ATP9A: variants seen among roughly 807,000 people sequenced by gnomAD.
ATP9A encodes the protein probable phospholipid-transporting ATPase IIA.
A neutral mutation model predicts 144.1 loss-of-function variants in ATP9A; 52 were observed. The observed-to-expected ratio is 0.36, with a 90% CI of 0.29 to 0.45. The LOEUF is 0.45. Ranked by LOEUF, ATP9A falls within the 20% of genes least tolerant of loss-of-function variation. The pLI is 1.00. For missense variants in ATP9A, 947 were observed against 1,392.7 expected (o/e 0.68, Z 5.09); for synonymous variants, 582 against 557.4 (o/e 1.04, Z -0.62).
At chr20:51,763,288 T>G (rs1397416292) in intron 1 of ATP9A, among the ~76,000 whole-genome samples, 2 of 150,536 alleles carry the variant, frequency 1.3e-5, no homozygotes, top group Non-Finnish European at 3.0e-5. Context: ...ATACACCTGG[T>G]TTTTTTTTAA....
chr20:51,688,418 C>A (rs1323943407), intron 9 of ATP9A, among the ~76,000 whole-genome samples: 1 of 152,016 alleles, frequency 6.6e-6, no homozygotes, highest in Non-Finnish European at 1.5e-5. Context: ...CATGGTGAAA[C>A]CCCATCTCTA....
chr20:51,721,714 T>C (rs1463096950), intron 3 of ATP9A, among the ~76,000 whole-genome samples: 1 of 145,432 alleles, frequency 6.9e-6, no homozygotes, highest in Non-Finnish European at 1.5e-5. Flanking sequence ...GGCAGGAGAA[T>C]GGCATGAACC....
In ATP9A at chr20:51,671,198, G is replaced by A. The variant is rs749046813; in HGVS notation, c.1097C>T (p.Ser366Leu). ...IVYSWVIRRD[S>L]KIPGTVVRSS... ...GCGAACCACGGTCCCGGGGATTTTC[G>A]AGTCCCTTCGAATCACCCAGCTGTA... Residue 366 changes from serine (S) to leucine (L), a missense_variant, in exon 12 of 28, where the codon TCG becomes TTG. Physicochemically the swap from Ser to Leu is moderately radical, Grantham distance 145. Around this residue, in one of 2 missense-constraint regions of ATP9A, gnomAD observed 770 missense variants for 1,047.9 expected, o/e 0.73. Coordinates refer to ENST00000338821, the MANE Select transcript of ATP9A (RefSeq NM_006045.3). 3.0e-5 allele frequency: 48 copies of A among 1,613,922 alleles called. No individual in the cohort carries two copies. Among genetic ancestry groups the A allele is most frequent in the Non-Finnish European group, 4.1e-5 (48 of 1,180,008 alleles).
At chr20:51,767,200 G>A (rs1456086350) in intron 1 of ATP9A, among the ~76,000 whole-genome samples, 1 of 151,778 alleles carries the variant, frequency 6.6e-6, no homozygotes, top group African/African-American at 2.4e-5. Flanking sequence ...GAAATGCCCA[G>A]AGAGGACCAG....
intron 1 of ATP9A, among the ~76,000 whole-genome samples, chr20:51,751,980 T>C (rs6013271): frequency 0.39 from 58,696 of 151,648 alleles, 12,911 homozygotes; most frequent in African/African-American, 0.59. Context: ...AGCACTGGGA[T>C]TCTCACAAGA....
chr20:51,667,907 A>G (rs955280719), intron 13 of ATP9A, among the ~76,000 whole-genome samples: 2 of 150,274 alleles, frequency 1.3e-5, no homozygotes, highest in African/African-American at 4.9e-5. Flanking sequence ...AAATAAACCA[A>G]ATTAGCCAGG....
chr20:51,756,018 T>C (rs1283786110), intron 1 of ATP9A, among the ~76,000 whole-genome samples: 1 of 152,108 alleles, frequency 6.6e-6, no homozygotes, highest in African/African-American at 2.4e-5. Context: ...AAAAGCTTAA[T>C]AACACTAAGA....
chr20:51,648,244 C>A (rs1051945202), intron 14 of ATP9A, among the ~76,000 whole-genome samples: 1 of 152,170 alleles, frequency 6.6e-6, no homozygotes, highest in Non-Finnish European at 1.5e-5. Context: ...AACCAACCAA[C>A]CTCGTAGCCG....
chr20:51,700,723 G>A (rs755244952), intron 4 of ATP9A, among the ~76,000 whole-genome samples: 23 of 152,094 alleles, frequency 1.5e-4, no homozygotes, highest in Non-Finnish European at 3.2e-4. Flanking sequence ...CCAGCTACTC[G>A]GGAGGCTGAA....
In ATP9A at chr20:51,601,223, C is replaced by A; in HGVS notation, c.3132G>T (p.Lys1044Asn). ...GCGAACGCACGGCCTATGATGTGAG[C>A]TTTGAGTAGCTGGGGGGAGAGAACC... is the stretch of plus-strand genomic sequence containing the variant. ...RRRFSPPSYS[K>N]LTS The change falls in exon 28 of 28, where the codon AAG becomes AAT. Residue 1044 changes from lysine (K) to asparagine (N), a missense_variant. Lys to Asn is a moderately conservative substitution (Grantham distance 94, BLOSUM62 0). Around this residue, in one of 2 missense-constraint regions of ATP9A, gnomAD observed 177 missense variants for 344.9 expected, o/e 0.51. Coordinates refer to ENST00000338821, the MANE Select transcript of ATP9A (RefSeq NM_006045.3). The A allele has an allele frequency of 6.2e-7, 1 of 1,612,582 alleles. No individual in the cohort carries two copies. Among genetic ancestry groups the A allele is most frequent in the Non-Finnish European group, 8.5e-7 (1 of 1,179,208 alleles).
intron 1 of ATP9A, among the ~76,000 whole-genome samples, chr20:51,731,555 C>T (rs1316237793): frequency 1.3e-5 from 2 of 151,768 alleles, no homozygotes; most frequent in Non-Finnish European, 1.5e-5. Flanking sequence ...CCCATCTCTA[C>T]TAGAATTACA....
chr20:51,624,003 C>G lies in ATP9A; in HGVS notation c.2016+1189G>C, dbSNP rs116047585. 5.8e-3 allele frequency among the ~76,000 whole-genome samples: 881 copies of G among 152,122 alleles called. 13 individuals carry two copies. Among genetic ancestry groups the G allele is most frequent in the African/African-American group, 0.02 (835 of 41,474 alleles). ...CATAGTTTTGAGAAGGAGAAAAACC[C>G]CAGGACAAAGATGGAAGCAGAAAAT... is the stretch of plus-strand genomic sequence containing the variant. On this transcript the variant is annotated intron_variant, in intron 18 of 27. Coordinates refer to ENST00000338821, the MANE Select transcript of ATP9A (RefSeq NM_006045.3).
intron 26 of ATP9A, 28 bp downstream of exon 26, chr20:51,607,499 A>G: frequency 6.3e-7 from 1 of 1,585,004 alleles, no homozygotes; most frequent in Non-Finnish European, 8.7e-7. Context: ...AGAGCACAAG[A>G]CAAACAGGTG....
intron 13 of ATP9A, among the ~76,000 whole-genome samples, chr20:51,660,182 C>G (rs1275563179): frequency 6.6e-6 from 1 of 152,080 alleles, no homozygotes; most frequent in East Asian, 1.9e-4. Context: ...TAACATTAGG[C>G]GCAATAACAA....
chr20:51,619,598 G>A (rs1394007929), intron 19 of ATP9A, among the ~76,000 whole-genome samples: 1 of 148,248 alleles, frequency 6.7e-6, no homozygotes, highest in Non-Finnish European at 1.5e-5. Context: ...GCCAGGTACG[G>A]TGGCTCACAC....
chr20:51,657,049 G>A lies in ATP9A; in HGVS notation c.1395C>T (p.Leu465=). 6.2e-7 allele frequency: 1 copy of A among 1,614,224 alleles called. No homozygotes were observed. The highest frequency in any genetic ancestry group is 8.5e-7 in the Non-Finnish European group (1 of 1,180,048). The change falls in exon 14 of 28, where the codon CTC becomes CTT. Residue 465 remains leucine, a synonymous_variant. Coordinates refer to ENST00000338821, the MANE Select transcript of ATP9A (RefSeq NM_006045.3). ...CATACACGGGAGTCACGTTGTGGCA[G>A]AGCGCGATGGCCTTCACGGCTTCGT... ...RVHEAVKAIA[L]CHNVTPVYES...
At chr20:51,741,446 G>A (rs530491745) in intron 1 of ATP9A, among the ~76,000 whole-genome samples, 57 of 152,134 alleles carry the variant, frequency 3.7e-4, no homozygotes, top group African/African-American at 1.2e-3. Context: ...GCGTGGTGGC[G>A]CATGCCTGTA....
At chr20:51,645,445 G>A (rs372398892) in intron 14 of ATP9A, among the ~76,000 whole-genome samples, 21 of 152,234 alleles carry the variant, frequency 1.4e-4, no homozygotes, top group African/African-American at 2.9e-4. Flanking sequence ...GCGTGAACCC[G>A]GGAGGTGGAG....
chr20:51,768,375 C>A lies in ATP9A; in HGVS notation c.-6G>T. On this transcript the variant is annotated 5_prime_UTR_variant, in exon 1 of 28. Coordinates refer to ENST00000338821, the MANE Select transcript of ATP9A (RefSeq NM_006045.3). ...AGCGGGATGTTGTCCGTCATGTCGG[C>A]GGCGCCGCCCGCCTTGGCCGCCGCG... 2 of 1,191,758 alleles carry A rather than the reference C, an allele frequency of 1.7e-6. No individual in the cohort carries two copies. The highest frequency in any genetic ancestry group is 4.3e-5 in the Admixed American group (1 of 23,430). The allele number at this position is 1,191,758 out of a possible 1,614,324, so 73.8% of individuals were successfully genotyped here. A position where few individuals can be genotyped will look rare whatever the true frequency, so the allele number is the denominator to read the frequency against.
Sources: gnomAD v4.1 joint callset for allele counts (sites outside exome capture counted in the v4.1 genomes callset) on GRCh38, gnomAD v4.1.1 for gene constraint, gnomAD v4.1.1 regional missense constraint, MANE v1.5 for transcripts, NCBI Gene and HGNC (gene_info 2026-07-23, HGNC 2026-07-21) for gene names.